COL22A1: variants seen among roughly 807,000 people sequenced by gnomAD.
The protein encoded by COL22A1 is collagen type XXII alpha 1 chain.
A neutral mutation model predicts 248.9 loss-of-function variants in COL22A1; 221 were observed. The observed-to-expected ratio is 0.89, with a 90% CI of 0.80 to 0.99. COL22A1 has a LOEUF of 0.99. COL22A1 is among the 50% of genes least tolerant of loss of function. The pLI, the probability that COL22A1 is intolerant of heterozygous loss-of-function variation, is 0.00. For synonymous variants in COL22A1, 891 were observed against 793.4 expected (o/e 1.12, Z -2.07); for missense variants, 2,240 against 2,179.0 (o/e 1.03, Z -0.56).
intron 41 of COL22A1, among the ~76,000 whole-genome samples, chr8:138,673,211 A>ATTTTT (rs5895548): frequency 7.2e-6 from 1 of 138,342 alleles, no homozygotes; most frequent in Non-Finnish European, 1.6e-5. Context: ...CAGCCGATCT[A>ATTTTT]TTTTTTTTTT....
intron 6 of COL22A1, among the ~76,000 whole-genome samples, chr8:138,826,334 C>G (rs543083183): frequency 6.6e-6 from 1 of 152,198 alleles, no homozygotes; most frequent in African/African-American, 2.4e-5. Flanking sequence ...CTGGGTCACT[C>G]ATGCTGCCAA....
rs759672408 is a variant in COL22A1 at position 138,588,380 on chromosome 8, G to T, written c.*873C>A. On this transcript the variant is annotated 3_prime_UTR_variant, in exon 65 of 65. Transcript: ENST00000303045. ...GCTCTGGTCAGTGCCCTGGCCAACT[G>T]CCCATCATTAGGGAAACACAAGTGG... is the stretch of plus-strand genomic sequence containing the variant. The T allele has an allele frequency of 2.6e-5, 4 of 152,164 alleles. No individual in the cohort carries two copies. The highest frequency in any genetic ancestry group is 9.7e-5 in the African/African-American group (4 of 41,440). 9.4% of individuals were successfully genotyped at this position (152,164 alleles called of 1,614,324 possible).
intron 40 of COL22A1, 36 bp downstream of exon 40, chr8:138,679,581 G>GT (rs1172367018): frequency 1.3e-6 from 2 of 1,588,704 alleles, no homozygotes; most frequent in African/African-American, 1.3e-5. Flanking sequence ...TTGTCCTTCT[G>GT]TCTTTTTGCA....
rs937528711 is a variant in COL22A1, at chr8:138,878,299, A to T, written c.109T>A (p.Tyr37Asn). The T allele has an allele frequency of 1.3e-6, 2 of 1,555,342 alleles. No individual in the cohort carries two copies. The highest frequency in any genetic ancestry group is 1.7e-6 in the Non-Finnish European group (2 of 1,149,222). ...AQRAGCKSVH[Y>N]DLVFLLDTSS... The stretch of plus-strand genomic sequence containing the variant: ...GTGTCCAGGAGGAAGACCAGATCGT[A>T]GTGGACACTTTTGCAACCTGCAGGG... Residue 37 changes from tyrosine (Y) to asparagine (N), a missense_variant, in exon 3 of 65, where the codon TAC becomes AAC. Transcript: ENST00000303045.
intron 3 of COL22A1, among the ~76,000 whole-genome samples, chr8:138,846,655 G>C (rs537771360): frequency 2.6e-5 from 4 of 152,166 alleles, no homozygotes; most frequent in Non-Finnish European, 4.4e-5. Flanking sequence ...GCTTGGCAAG[G>C]AGGTAGGGTT....
At chr8:138,893,450 T>C (rs973296749) in intron 1 of COL22A1, among the ~76,000 whole-genome samples, 2 of 152,322 alleles carry the variant, frequency 1.3e-5, no homozygotes, top group East Asian at 1.9e-4. Context: ...AGTTACGATA[T>C]ATAAAAAGCC....
At chr8:138,835,609 G>A (rs4736001) in intron 4 of COL22A1, among the ~76,000 whole-genome samples, 81,524 of 151,528 alleles carry the variant, frequency 0.54, 22,638 homozygotes, top group East Asian at 0.66. Context: ...TGCAGGGCTG[G>A]CCCACAGTGC....
At chr8:138,735,888 C>A (rs573628072) in intron 23 of COL22A1, among the ~76,000 whole-genome samples, 3 of 152,148 alleles carry the variant, frequency 2.0e-5, no homozygotes, top group Admixed American at 6.5e-5. Context: ...TCCCTGCCAA[C>A]GAGGGACGGA....
intron 41 of COL22A1, among the ~76,000 whole-genome samples, chr8:138,665,081 T>C (rs953308579): frequency 1.1e-4 from 16 of 152,152 alleles, no homozygotes; most frequent in Non-Finnish European, 2.1e-4. Context: ...GCCTACTCAT[T>C]AAATATGCCC....
chr8:138,713,713 C>CTG (rs1554598518), intron 30 of COL22A1, among the ~76,000 whole-genome samples: 501 of 13,786 alleles, frequency 0.036, 1 homozygote, highest in African/African-American at 0.054. Context: ...TGAGTCCACC[C>CTG]CCACCGCCCC....
At chr8:138,834,238 C>T (rs1398188313) in intron 4 of COL22A1, among the ~76,000 whole-genome samples, 1 of 151,944 alleles carries the variant, frequency 6.6e-6, no homozygotes. Context: ...TCACCTGTGC[C>T]CCCCCAGGGA....
At chr8:138,841,942 C>G (rs1313242269) in intron 4 of COL22A1, among the ~76,000 whole-genome samples, 1 of 152,138 alleles carries the variant, frequency 6.6e-6, no homozygotes, top group Non-Finnish European at 1.5e-5. Context: ...AAGAGAGTAA[C>G]TTTTGATGGT....
chr8:138,821,480 G>C, intron 6 of COL22A1, 69 bp from the exon 7 acceptor site: 2 of 1,505,886 alleles, frequency 1.3e-6, no homozygotes, highest in African/African-American at 2.7e-5. Flanking sequence ...AATGGGAAAC[G>C]GGAGTTCAGA....
At chr8:138,843,611 T>C (rs1333759959) in intron 4 of COL22A1, among the ~76,000 whole-genome samples, 3 of 152,228 alleles carry the variant, frequency 2.0e-5, no homozygotes, top group Admixed American at 2.0e-4. Context: ...GTCATATGCC[T>C]GACAGCCTTT....
At chr8:138,705,398 A>G (rs368552096) in intron 30 of COL22A1, among the ~76,000 whole-genome samples, 3 of 152,206 alleles carry the variant, frequency 2.0e-5, no homozygotes. Flanking sequence ...TCGGTTTACC[A>G]CAAAGGGAAG....
chr8:138,653,147 T>A (rs1254615580), intron 45 of COL22A1, among the ~76,000 whole-genome samples: 2 of 152,174 alleles, frequency 1.3e-5, no homozygotes, highest in South Asian at 2.1e-4. Flanking sequence ...ACAAAATGCT[T>A]ACTACATGGA....
At chr8:138,643,647 T>TAGATAGAC (rs568597361) in intron 47 of COL22A1, among the ~76,000 whole-genome samples, 269 of 26,618 alleles carry the variant, frequency 0.01, 2 homozygotes, top group African/African-American at 0.015. Context: ...GATAGATAGA[T>TAGATAGAC]AGACAGATAG....
intron 3 of COL22A1, among the ~76,000 whole-genome samples, chr8:138,866,371 T>A (rs1310261434): frequency 6.6e-6 from 1 of 152,248 alleles, no homozygotes; most frequent in Non-Finnish European, 1.5e-5. Context: ...CTTACATAAA[T>A]GCACATTTAT....
At chr8:138,719,189 C>A (rs572842288) in intron 27 of COL22A1, among the ~76,000 whole-genome samples, 5 of 151,984 alleles carry the variant, frequency 3.3e-5, no homozygotes, top group Non-Finnish European at 5.9e-5. Flanking sequence ...AAAGGTGGCC[C>A]GAGTACTTTT....
Sources: gnomAD v4.1 joint callset for allele counts (sites outside exome capture counted in the v4.1 genomes callset) on GRCh38, gnomAD v4.1.1 for gene constraint, MANE v1.5 for transcripts, NCBI Gene and HGNC (gene_info 2026-07-23, HGNC 2026-07-21) for gene names.